PAG1: variants seen among roughly 807,000 people sequenced by gnomAD.
PAG1 encodes the protein phosphoprotein membrane anchor with glycosphingolipid microdomains 1, also known as phosphoprotein associated with glycosphingolipid-enriched microdomains 1.
Under a neutral mutation model 31.7 loss-of-function variants are expected in PAG1, and 23 were observed. The observed-to-expected ratio is 0.73, with a 90% CI of 0.52 to 1.03. The LOEUF is 1.03. PAG1 is among the 50% of genes least tolerant of loss of function. The pLI, the probability that PAG1 is intolerant of heterozygous loss-of-function variation, is 0.00. For synonymous variants in PAG1, 214 were observed against 210.3 expected (o/e 1.02, Z -0.15); for missense variants, 473 against 540.7 (o/e 0.87, Z 1.24).
intron 2 of PAG1, among the ~76,000 whole-genome samples, chr8:81,031,376 G>C (rs760955678): frequency 1.3e-5 from 2 of 152,208 alleles, no homozygotes; most frequent in Non-Finnish European, 2.9e-5. Flanking sequence ...TGCAGGGCTT[G>C]ATAGACAACT....
chr8:80,993,332 A>C (rs1430501604), intron 3 of PAG1, 25 bp from the exon 4 acceptor site: 9 of 1,192,416 alleles, frequency 7.5e-6, no homozygotes, highest in Non-Finnish European at 1.0e-5. Context: ...GTGCGTTTGG[A>C]GAGTAATTCT....
chr8:80,991,432 T>C (rs1807544470), intron 5 of PAG1, 47 bp downstream of exon 5: 3 of 1,479,910 alleles, frequency 2.0e-6, no homozygotes. Context: ...TAGCTGATGT[T>C]CTGGAGCACG....
At chr8:81,097,500 T>A (rs557565372) in intron 1 of PAG1, among the ~76,000 whole-genome samples, 8 of 152,062 alleles carry the variant, frequency 5.3e-5, no homozygotes, top group Non-Finnish European at 1.0e-4. Flanking sequence ...GAAAATGATA[T>A]CTGCAAAGAG....
intron 3 of PAG1, among the ~76,000 whole-genome samples, chr8:81,025,209 T>C (rs185906085): frequency 9.9e-5 from 15 of 152,220 alleles, no homozygotes; most frequent in South Asian, 2.1e-4. Context: ...TTGACAGACA[T>C]TTTCACCCAC....
intron 1 of PAG1, among the ~76,000 whole-genome samples, chr8:81,084,311 C>A (rs1809317360): frequency 6.6e-6 from 1 of 152,092 alleles, no homozygotes; most frequent in Non-Finnish European, 1.5e-5. Flanking sequence ...AAATTAGAAA[C>A]CTCATTAAGT....
At chr8:81,006,039 T>C (rs982506767) in intron 3 of PAG1, among the ~76,000 whole-genome samples, 1 of 152,088 alleles carries the variant, frequency 6.6e-6, no homozygotes, top group African/African-American at 2.4e-5. Flanking sequence ...GCCACCCAGG[T>C]TCAAGCAATT....
At chr8:81,000,809 C>G (rs1432118731) in intron 3 of PAG1, among the ~76,000 whole-genome samples, 1 of 152,188 alleles carries the variant, frequency 6.6e-6, no homozygotes, top group African/African-American at 2.4e-5. Context: ...ACTGAAGCAG[C>G]TGAACATCTC....
At chr8:81,082,711 G>A (rs1319023954) in intron 1 of PAG1, among the ~76,000 whole-genome samples, 1 of 151,918 alleles carries the variant, frequency 6.6e-6, no homozygotes, top group East Asian at 1.9e-4. Context: ...TTTTTATTTG[G>A]GTTACTGTAT....
At chr8:81,030,345 CG>C (rs1432021711) in intron 2 of PAG1, among the ~76,000 whole-genome samples, 12 of 152,240 alleles carry the variant, frequency 7.9e-5, no homozygotes, top group Admixed American at 5.9e-4. Context: ...AAAAAAGCCA[CG>C]TAAGTGTCTA....
chr8:81,039,152 T>C (rs1409051293), intron 2 of PAG1, among the ~76,000 whole-genome samples: 2 of 152,180 alleles, frequency 1.3e-5, no homozygotes, highest in Non-Finnish European at 2.9e-5. Flanking sequence ...TGTGTGTGTG[T>C]GTGCATGTGC....
At chr8:81,069,892 A>G (rs1352070579) in intron 2 of PAG1, among the ~76,000 whole-genome samples, 2 of 152,174 alleles carry the variant, frequency 1.3e-5, no homozygotes, top group Non-Finnish European at 2.9e-5. Context: ...AAGTATACCC[A>G]TTGGCGTCTT....
intron 2 of PAG1, 49 bp downstream of exon 2, chr8:81,070,063 A>G (rs765380556): frequency 1.1e-4 from 17 of 152,256 alleles, no homozygotes; most frequent in Non-Finnish European, 2.2e-4. Context: ...GCCAGTTTGA[A>G]TGAGTAATAA....
intron 3 of PAG1, among the ~76,000 whole-genome samples, chr8:81,021,489 T>C (rs1441165002): frequency 7.0e-6 from 1 of 142,678 alleles, no homozygotes; most frequent in African/African-American, 2.6e-5. Context: ...CTGCTCATTT[T>C]TCATTACTTC....
intron 2 of PAG1, among the ~76,000 whole-genome samples, chr8:81,036,033 C>T (rs1808457115): frequency 1.3e-5 from 2 of 152,110 alleles, no homozygotes; most frequent in African/African-American, 4.8e-5. Context: ...TGTTCCTTTG[C>T]AATTTAACTG....
At chr8:81,068,244 G>C (rs1362137871) in intron 2 of PAG1, among the ~76,000 whole-genome samples, 1 of 152,172 alleles carries the variant, frequency 6.6e-6, no homozygotes, top group Non-Finnish European at 1.5e-5. Context: ...ATGGAAGTTT[G>C]AAATACATTT....
At chr8:81,030,757 C>G (rs1808366134) in intron 2 of PAG1, among the ~76,000 whole-genome samples, 1 of 152,204 alleles carries the variant, frequency 6.6e-6, no homozygotes, top group Non-Finnish European at 1.5e-5. Context: ...GGTGCCTAGC[C>G]CTTCCTCCTG....
chr8:81,066,377 T>C (rs1480683368), intron 2 of PAG1, among the ~76,000 whole-genome samples: 1 of 152,220 alleles, frequency 6.6e-6, no homozygotes, highest in East Asian at 1.9e-4. Context: ...ACATGGATTT[T>C]TGAGTGTTAC....
intron 2 of PAG1, among the ~76,000 whole-genome samples, chr8:81,062,792 C>T (rs1808939643): frequency 6.6e-6 from 1 of 152,126 alleles, no homozygotes; most frequent in South Asian, 2.1e-4. Context: ...GATCCTCCCA[C>T]CTCGGCCTCT....
chr8:81,105,137 G>C (rs10504730), intron 1 of PAG1, among the ~76,000 whole-genome samples: 1 of 151,966 alleles, frequency 6.6e-6, no homozygotes, highest in African/African-American at 2.4e-5. Context: ...GCCCGGCTGC[G>C]TTAGGAAAAG....
Sources: gnomAD v4.1 joint callset for allele counts (sites outside exome capture counted in the v4.1 genomes callset) on GRCh38, gnomAD v4.1.1 for gene constraint, MANE v1.5 for transcripts, NCBI Gene and HGNC (gene_info 2026-07-23, HGNC 2026-07-21) for gene names.